The following CSMD1 variants were observed in gnomAD, a reference collection of about 807,000 sequenced individuals.
CSMD1 encodes CUB and Sushi multiple domains 1, also known as CUB and sushi domain-containing protein 1.
In CSMD1, 213 loss-of-function variants were observed where a neutral mutation model predicts 417.5. That is an observed-to-expected ratio of 0.51 (90% CI 0.46 to 0.57). The LOEUF is 0.57. Among genes scored for constraint, CSMD1 ranks in the 20% least tolerant of loss-of-function variants. The pLI is 0.00. For synonymous variants in CSMD1, 2,862 were observed against 1,736.8 expected, an observed-to-expected ratio of 1.65 and a Z score of -16.11; for missense variants, 6,923 against 4,529.7, an observed-to-expected ratio of 1.53 and a Z score of -15.17.
Position 3,501,370 on chromosome 8 carries a change from C to T in CSMD1, c.1345-7644G>A, listed in dbSNP as rs552558253. 2.0e-4 allele frequency among the ~76,000 whole-genome samples: 30 copies of T among 152,224 alleles called. No individual in the cohort carries two copies. The East Asian group carries it at 2.9e-3, about 15-fold the overall frequency. ...TAAGTTTTTCCTTTTGATGTTCTTCCGTAAACTACATTTGTTTTTCTGAAT... is the reference window on the plus strand; with the variant it reads ...TAAGTTTTTCCTTTTGATGTTCTTCTGTAAACTACATTTGTTTTTCTGAAT... On this transcript the variant is annotated intron_variant, in intron 10 of 69. Transcript: ENST00000635120.
intron 3 of CSMD1, among the ~76,000 whole-genome samples, chr8:4,150,722 G>C (rs753191043): frequency 6.6e-6 from 1 of 152,168 alleles, no homozygotes; most frequent in Non-Finnish European, 1.5e-5. Context: ...AGCAGATTCA[G>C]AATGCAGATT....
At chr8:4,650,047 C>T (rs1038569847) in intron 1 of CSMD1, among the ~76,000 whole-genome samples, 3 of 152,092 alleles carry the variant, frequency 2.0e-5, no homozygotes, top group Admixed American at 6.6e-5. Context: ...GACAGCTTTA[C>T]GTGTGAATAT....
At chr8:4,750,754 G>GAA (rs199648820) in intron 1 of CSMD1, among the ~76,000 whole-genome samples, 1 of 137,026 alleles carries the variant, frequency 7.3e-6, no homozygotes, top group Non-Finnish European at 1.6e-5. Flanking sequence ...ACTTCCCAAG[G>GAA]AAAAAAAAAA....
At chr8:3,785,598 T>C (rs80122645) in intron 5 of CSMD1, among the ~76,000 whole-genome samples, 7 of 152,218 alleles carry the variant, frequency 4.6e-5, no homozygotes, top group African/African-American at 1.4e-4. Context: ...GATCATTTGA[T>C]CTCATTTATA....
chr8:3,007,594 A>G (rs985509554), intron 52 of CSMD1, among the ~76,000 whole-genome samples: 1 of 151,478 alleles, frequency 6.6e-6, no homozygotes, highest in African/African-American at 2.5e-5. Context: ...TGCAGCCATA[A>G]AAAATGATGA....
At chr8:4,920,290 G>C (rs1455580134) in intron 1 of CSMD1, among the ~76,000 whole-genome samples, 1 of 151,986 alleles carries the variant, frequency 6.6e-6, no homozygotes, top group Non-Finnish European at 1.5e-5. Flanking sequence ...AGCGATCCAA[G>C]GCAGTTCAAG....
intron 1 of CSMD1, among the ~76,000 whole-genome samples, chr8:4,896,051 A>T (rs747378804): frequency 4.6e-5 from 7 of 152,218 alleles, no homozygotes; most frequent in Non-Finnish European, 8.8e-5. Flanking sequence ...TTGTAGTTCA[A>T]TGTGTGGTTT....
At chr8:4,107,503 T>A (rs1801628794) in intron 3 of CSMD1, among the ~76,000 whole-genome samples, 1 of 152,150 alleles carries the variant, frequency 6.6e-6, no homozygotes, top group Admixed American at 6.5e-5. Flanking sequence ...ACCGAAGAAT[T>A]CCATGTCTAC....
chr8:3,829,374 C>A (rs1585057109), intron 5 of CSMD1, among the ~76,000 whole-genome samples: 1 of 152,156 alleles, frequency 6.6e-6, no homozygotes, highest in Non-Finnish European at 1.5e-5. Flanking sequence ...AAACTATACC[C>A]CTTCAGAGAA....
chr8:3,556,448 G>C (rs1320517617), intron 10 of CSMD1, among the ~76,000 whole-genome samples: 1 of 135,570 alleles, frequency 7.4e-6, no homozygotes, highest in Non-Finnish European at 1.6e-5. Flanking sequence ...GGGATCCTGT[G>C]GGTTGAGATA....
intron 5 of CSMD1, among the ~76,000 whole-genome samples, chr8:3,827,975 C>G (rs978501963): frequency 1.3e-5 from 2 of 152,180 alleles, no homozygotes; most frequent in South Asian, 2.1e-4. Flanking sequence ...AAATAGCCAT[C>G]TTAACATAAA....
intron 29 of CSMD1, among the ~76,000 whole-genome samples, chr8:3,216,565 C>T (rs1442499846): frequency 2.0e-5 from 3 of 152,158 alleles, no homozygotes; most frequent in Non-Finnish European, 4.4e-5. Flanking sequence ...ATTTTGATTT[C>T]TGATGGCAGG....
intron 1 of CSMD1, among the ~76,000 whole-genome samples, chr8:4,797,771 G>A (rs976119652): frequency 6.6e-6 from 1 of 152,210 alleles, no homozygotes; most frequent in African/African-American, 2.4e-5. Flanking sequence ...TATAAATGCT[G>A]AGACTAATCA....
rs554639542 is a variant in CSMD1 at position 3,316,464 on chromosome 8, T to C, written c.3632-7961A>G. Reference sequence around the variant, plus strand: ...TAAAACAACACGATGAATGCTATGGTTTGCGTGAAGGTTGAGAGGGACAAA... The same window carrying C: ...TAAAACAACACGATGAATGCTATGGCTTGCGTGAAGGTTGAGAGGGACAAA... On this transcript the variant is annotated intron_variant, in intron 23 of 69. Coordinates refer to ENST00000635120, the MANE Select transcript of CSMD1 (RefSeq NM_033225.6). Among the ~76,000 whole-genome samples the C allele has an allele frequency of 6.6e-5, 10 of 152,052 alleles. 1 individual carries two copies. In the South Asian group the frequency reaches 1.9e-3, roughly 29 times the overall value.
At chr8:3,266,857 A>C (rs1316205537) in intron 26 of CSMD1, among the ~76,000 whole-genome samples, 1 of 151,980 alleles carries the variant, frequency 6.6e-6, no homozygotes, top group Non-Finnish European at 1.5e-5. Context: ...TGACAAGAGC[A>C]GTAATCACAG....
At chr8:4,807,973 A>C (rs1585132996) in intron 1 of CSMD1, among the ~76,000 whole-genome samples, 1 of 152,170 alleles carries the variant, frequency 6.6e-6, no homozygotes, top group Non-Finnish European at 1.5e-5. Context: ...CACTTGGAAA[A>C]ACTTCCCAAA....
intron 5 of CSMD1, among the ~76,000 whole-genome samples, chr8:3,968,773 G>T (rs760924476): frequency 1.3e-5 from 2 of 152,120 alleles, no homozygotes; most frequent in Non-Finnish European, 2.9e-5. Context: ...GAAGATGGGT[G>T]GGGATTTGTA....
intron 12 of CSMD1, among the ~76,000 whole-genome samples, chr8:3,463,376 G>C (rs1816628405): frequency 6.6e-6 from 1 of 152,210 alleles, no homozygotes; most frequent in African/African-American, 2.4e-5. Flanking sequence ...TTAGATATAA[G>C]GCTGTATGTG....
At chr8:3,915,781 T>C (rs1369172842) in intron 5 of CSMD1, among the ~76,000 whole-genome samples, 2 of 148,934 alleles carry the variant, frequency 1.3e-5, no homozygotes, top group African/African-American at 5.0e-5. Flanking sequence ...GTTCCTAAAA[T>C]TTTCGTATCA....
Sources: allele counts gnomAD v4.1 joint callset (sites outside exome capture counted in the v4.1 genomes callset), GRCh38; gene constraint gnomAD v4.1.1; transcripts MANE v1.5; gene names NCBI Gene and HGNC (gene_info 2026-07-23, HGNC 2026-07-21).